SUMF1: variants seen among roughly 807,000 people sequenced by gnomAD.
SUMF1 encodes the protein sulfatase modifying factor 1.
SUMF1 carries 48 observed loss-of-function variants against 47.6 expected under a neutral mutation model. That is an observed-to-expected ratio of 1.01 (90% CI 0.80 to 1.28). The LOEUF is 1.28. Ranked by LOEUF, SUMF1 falls within the 50% of genes most tolerant of loss-of-function variation. The pLI is 0.00. For synonymous variants in SUMF1, 230 were observed against 192.1 expected (o/e 1.20, Z -1.63); for missense variants, 571 against 485.4 (o/e 1.18, Z -1.66).
intron 8 of SUMF1, among the ~76,000 whole-genome samples, chr3:4,165,563 C>T (rs1380547650): frequency 6.6e-6 from 1 of 152,008 alleles, no homozygotes; most frequent in Non-Finnish European, 1.5e-5. Flanking sequence ...GATTATCTTT[C>T]AATGAAAAGA....
chr3:4,425,950 T>C (rs1702054981), intron 3 of SUMF1, among the ~76,000 whole-genome samples: 2 of 152,154 alleles, frequency 1.3e-5, no homozygotes, highest in Non-Finnish European at 2.9e-5. Flanking sequence ...CCATGTGATC[T>C]CAGAGATCAC....
intron 9 of SUMF1, among the ~76,000 whole-genome samples, chr3:4,045,098 T>C (rs1002662755): frequency 6.6e-6 from 1 of 152,178 alleles, no homozygotes; most frequent in Non-Finnish European, 1.5e-5. Flanking sequence ...ATCTAGGTGT[T>C]TCTGCAAAGG....
chr3:4,177,780 T>A (rs1223974201), intron 8 of SUMF1, among the ~76,000 whole-genome samples: 1 of 151,466 alleles, frequency 6.6e-6, no homozygotes, highest in Non-Finnish European at 1.5e-5. Context: ...TCAACAAAAT[T>A]GATAGACCAC....
intron 8 of SUMF1, among the ~76,000 whole-genome samples, chr3:4,144,005 T>C (rs1475026346): frequency 6.6e-6 from 1 of 151,302 alleles, no homozygotes; most frequent in African/African-American, 2.4e-5. Context: ...TTTTTTTTTT[T>C]TTTTAGACAG....
At chr3:4,289,438 G>A (rs566889061) in intron 8 of SUMF1, among the ~76,000 whole-genome samples, 20 of 152,218 alleles carry the variant, frequency 1.3e-4, no homozygotes, top group Admixed American at 1.2e-3. Flanking sequence ...GGTGTAAATC[G>A]GTCACACATA....
chr3:4,284,520 G>T (rs144388801), intron 8 of SUMF1, among the ~76,000 whole-genome samples: 7 of 151,202 alleles, frequency 4.6e-5, no homozygotes, highest in African/African-American at 1.7e-4. Context: ...GGCTTGCCTT[G>T]CTTTTCCATT....
intron 9 of SUMF1, among the ~76,000 whole-genome samples, chr3:4,046,893 C>T (rs1695017733): frequency 6.6e-6 from 1 of 151,790 alleles, no homozygotes; most frequent in Non-Finnish European, 1.5e-5. Context: ...GGAGGCTTCC[C>T]TTCCTTCGTA....
intron 3 of SUMF1, 26 bp downstream of exon 3, chr3:4,449,240 C>A: frequency 1.2e-6 from 2 of 1,613,488 alleles, no homozygotes; most frequent in South Asian, 2.2e-5. Context: ...TAGAGAAATA[C>A]AGGAGCCTGT....
chr3:4,231,593 C>T (rs1014770886), intron 8 of SUMF1, among the ~76,000 whole-genome samples: 1 of 152,134 alleles, frequency 6.6e-6, no homozygotes, highest in African/African-American at 2.4e-5. Context: ...CAATGATATG[C>T]CCTTTCCTGC....
At chr3:4,121,520 T>C (rs1024683648) in intron 8 of SUMF1, among the ~76,000 whole-genome samples, 16 of 152,150 alleles carry the variant, frequency 1.1e-4, no homozygotes, top group African/African-American at 3.9e-4. Context: ...TAGACCTTCT[T>C]TTTTTCTGCC....
rs78870112 is a variant in SUMF1 at position 4,117,663 on chromosome 3, C to T, written c.1015-48918G>A. ...TTTATCAAGAATGAGGACAATAATA[C>T]CTAATTCAGGTAAGAATTCCCTGAG... On this transcript the variant is annotated intron_variant and NMD_transcript_variant, in intron 8 of 12. Transcript: ENST00000448413. Among the ~76,000 whole-genome samples, 675 of 152,070 alleles carry T rather than the reference C, an allele frequency of 4.4e-3. 8 individuals are homozygous for T. The highest frequency in any genetic ancestry group is 0.016 in the African/African-American group (643 of 41,462).
At chr3:4,453,118 T>A (rs1238162936) in intron 1 of SUMF1, 69 bp from the exon 2 acceptor site, 1 of 1,512,726 alleles carries the variant, frequency 6.6e-7, no homozygotes, top group Non-Finnish European at 9.0e-7. Context: ...GGGGTAAAGT[T>A]CCTAGCACCC....
chr3:4,456,743 CACATATATACGTGTGTGTGTATATAT>C lies in SUMF1; in HGVS notation c.271-3720_271-3695del, dbSNP rs2079630472. On this transcript the variant is annotated intron_variant, in intron 1 of 8. Coordinates refer to ENST00000272902, the MANE Select transcript of SUMF1 (RefSeq NM_182760.4). ...ATATATATACGTGTGTATATATACA[CACATATATACGTGTGTGTGTATATAT>C]ACACATATATACGTGTGTGTGTATA... 8.6e-4 allele frequency among the ~76,000 whole-genome samples: 12 copies of C among 13,884 alleles called. 1 individual carries two copies. The highest frequency in any genetic ancestry group is 3.5e-3 in the African/African-American group (10 of 2,820). The allele number at this position is 13,884 out of a possible 152,430, so 9.1% of individuals were successfully genotyped here. A position where few individuals can be genotyped will look rare whatever the true frequency, so the allele number is the denominator to read the frequency against.
At chr3:4,216,006 C>T (rs929128888) in intron 8 of SUMF1, among the ~76,000 whole-genome samples, 3 of 152,190 alleles carry the variant, frequency 2.0e-5, no homozygotes, top group Non-Finnish European at 4.4e-5. Context: ...CATCAAGCTA[C>T]CACTGACTTT....
intron 8 of SUMF1, among the ~76,000 whole-genome samples, chr3:4,228,784 C>T (rs566908945): frequency 1.3e-5 from 2 of 152,038 alleles, no homozygotes; most frequent in Non-Finnish European, 2.9e-5. Context: ...AATAAAAGTA[C>T]CCAGTGGCAG....
At chr3:4,183,319 CCTT>C (rs1288556068) in intron 8 of SUMF1, among the ~76,000 whole-genome samples, 13 of 152,254 alleles carry the variant, frequency 8.5e-5, no homozygotes, top group Non-Finnish European at 1.3e-4. Flanking sequence ...CTAATCATGT[CCTT>C]CTCCTTTATG....
chr3:4,207,184 A>G (rs1347543218), intron 8 of SUMF1, among the ~76,000 whole-genome samples: 3 of 152,098 alleles, frequency 2.0e-5, no homozygotes, highest in Admixed American at 1.3e-4. Context: ...TGATTTTTGT[A>G]TATTTATCTT....
intron 8 of SUMF1, among the ~76,000 whole-genome samples, chr3:4,094,268 C>A (rs1056572878): frequency 6.6e-6 from 1 of 151,942 alleles, no homozygotes; most frequent in Non-Finnish European, 1.5e-5. Flanking sequence ...ACTCCTTCAA[C>A]AAGTATTTAT....
At chr3:4,389,854 T>G (rs946311002) in intron 7 of SUMF1, among the ~76,000 whole-genome samples, 5 of 152,200 alleles carry the variant, frequency 3.3e-5, no homozygotes, top group African/African-American at 1.2e-4. Flanking sequence ...GCTTTCAATT[T>G]TTTCATTTGT....
Sources: gnomAD v4.1 joint callset for allele counts (sites outside exome capture counted in the v4.1 genomes callset) on GRCh38, gnomAD v4.1.1 for gene constraint, MANE v1.5 for transcripts, NCBI Gene and HGNC (gene_info 2026-07-23, HGNC 2026-07-21) for gene names.